TSPAN11: variants seen among roughly 807,000 people sequenced by gnomAD.
The protein encoded by TSPAN11 is tetraspanin-11.
TSPAN11 carries 29 observed loss-of-function variants against 32.9 expected under a neutral mutation model. The ratio of observed to expected loss-of-function variants is 0.88; its 90% CI spans 0.66 to 1.20. The LOEUF (loss-of-function observed/expected upper bound fraction) is 1.20. Among genes scored for constraint, TSPAN11 ranks in the 50% most tolerant of loss-of-function variants. The pLI is 0.00. For missense variants in TSPAN11, 283 were observed against 329.1 expected, an observed-to-expected ratio of 0.86 and a Z score of 1.08; for synonymous variants, 140 against 141.3, an observed-to-expected ratio of 0.99 and a Z score of 0.07.
downstream of TSPAN11, chr12:30,996,672 C>G (rs1258060245): frequency 3.9e-5 from 6 of 152,154 alleles, no homozygotes; most frequent in Non-Finnish European, 7.3e-5. Context: ...GTACCATGAC[C>G]CACGGCTACA....
intron 2 of TSPAN11, among the ~76,000 whole-genome samples, chr12:30,955,956 C>T (rs1236313769): frequency 6.6e-6 from 1 of 152,312 alleles, no homozygotes; most frequent in Non-Finnish European, 1.5e-5. Context: ...TTTTGGGGGA[C>T]CCAGTCCAAC....
In TSPAN11 at chr12:30,950,098, C is replaced by T. The variant is rs146758388; in HGVS notation, c.-11-3883C>T. The stretch of plus-strand genomic sequence containing the variant: ...GGCATCTGTCCCCTACTCTCCATTC[C>T]CCCCACCCCCTTCTCTTTCTTGGAC... On this transcript the variant is annotated intron_variant, in intron 1 of 7. Coordinates refer to ENST00000546076, the MANE Select transcript of TSPAN11 (RefSeq NM_001370302.1). Among the ~76,000 whole-genome samples the T allele has an allele frequency of 5.0e-3, 757 of 152,144 alleles. 2 individuals are homozygous for T. Among genetic ancestry groups the T allele is most frequent in the African/African-American group, 0.017 (723 of 41,508 alleles).
At chr12:30,949,596 C>T (rs1938340715) in intron 1 of TSPAN11, among the ~76,000 whole-genome samples, 1 of 152,144 alleles carries the variant, frequency 6.6e-6, no homozygotes, top group Non-Finnish European at 1.5e-5. Context: ...AATTACCTCC[C>T]CCTGGGTCCC....
At chr12:30,958,796 G>A (rs192308637) in intron 2 of TSPAN11, among the ~76,000 whole-genome samples, 2 of 152,178 alleles carry the variant, frequency 1.3e-5, no homozygotes, top group Non-Finnish European at 2.9e-5. Flanking sequence ...GGCAGTGGCA[G>A]TGTCAGGCAT....
intron 3 of TSPAN11, among the ~76,000 whole-genome samples, chr12:30,974,724 G>A (rs1452414546): frequency 6.6e-6 from 1 of 152,246 alleles, no homozygotes; most frequent in South Asian, 2.1e-4. Context: ...AGGGGACAGA[G>A]TGGTAACACC....
chr12:30,952,127 G>A (rs1365959480), intron 1 of TSPAN11, among the ~76,000 whole-genome samples: 1 of 152,142 alleles, frequency 6.6e-6, no homozygotes, highest in Non-Finnish European at 1.5e-5. Flanking sequence ...TGACTCTGTG[G>A]TTTGAGTGAG....
intron 3 of TSPAN11, among the ~76,000 whole-genome samples, chr12:30,971,558 G>C (rs1045327843): frequency 2.0e-5 from 3 of 152,012 alleles, no homozygotes; most frequent in Non-Finnish European, 4.4e-5. Flanking sequence ...TGAGCGATAT[G>C]GTGAGACCCT....
At chr12:31,011,574 C>T in the TSPAN11 span, among the ~76,000 whole-genome samples, 6 of 152,308 alleles carry the variant, frequency 3.9e-5, no homozygotes, top group East Asian at 1.9e-4. Context: ...TCGCCTCCTG[C>T]GGGGAACCAG....
rs531749462 is a variant in TSPAN11, at chr12:30,984,579, G to A, written c.702+1429G>A. On this transcript the variant is annotated intron_variant, in intron 7 of 7. Transcript: ENST00000546076. Reference sequence around the variant, plus strand: ...TTTTTTTTTTTTTTTTTTTTTTTGCGCGACAGTCTCACTCTGTTGCCCAGG... The same window carrying A: ...TTTTTTTTTTTTTTTTTTTTTTTGCACGACAGTCTCACTCTGTTGCCCAGG... Among the ~76,000 whole-genome samples, 8 of 88,834 alleles carry A rather than the reference G, an allele frequency of 9.0e-5. No homozygotes were observed. In the East Asian group the frequency reaches 1.6e-3, roughly 17 times the overall value. The allele number at this position is 88,834 out of a possible 152,430, so 58.3% of individuals were successfully genotyped here. A position where few individuals can be genotyped will look rare whatever the true frequency, so the allele number is the denominator to read the frequency against.
At chr12:31,009,603 G>T in the TSPAN11 span, among the ~76,000 whole-genome samples, 1 of 152,166 alleles carries the variant, frequency 6.6e-6, no homozygotes, top group Non-Finnish European at 1.5e-5. Context: ...ACCTTGGTGC[G>T]ATGATACATG....
chr12:30,942,246 G>A (rs538880894), intron 1 of TSPAN11, among the ~76,000 whole-genome samples: 2 of 152,214 alleles, frequency 1.3e-5, no homozygotes, highest in Non-Finnish European at 2.9e-5. Flanking sequence ...AGTGCATACT[G>A]TTCTTACAAA....
the TSPAN11 span, among the ~76,000 whole-genome samples, chr12:31,009,585 G>T: frequency 1.3e-5 from 2 of 152,122 alleles, no homozygotes; most frequent in Non-Finnish European, 2.9e-5. Context: ...CAACAGAAGT[G>T]CCACCCCACC....
chr12:30,963,345 T>C (rs1353390431), intron 2 of TSPAN11, among the ~76,000 whole-genome samples: 1 of 152,214 alleles, frequency 6.6e-6, no homozygotes, highest in Non-Finnish European at 1.5e-5. Context: ...AGCCCAGCTG[T>C]GCTTCCCCAA....
At chr12:30,954,520 ACTG>A (rs1490947654) in intron 2 of TSPAN11, 1 of 180,696 alleles carries the variant, frequency 5.5e-6, no homozygotes, top group East Asian at 1.7e-4. Context: ...GGCTCCAACT[ACTG>A]CTGCCTGTGA....
chr12:31,014,162 T>C, the TSPAN11 span, among the ~76,000 whole-genome samples: 1 of 152,246 alleles, frequency 6.6e-6, no homozygotes, highest in Non-Finnish European at 1.5e-5. Flanking sequence ...GCAGGAGCTA[T>C]CCTAGAATGG....
At chr12:30,944,045 G>A (rs1016986456) in intron 1 of TSPAN11, among the ~76,000 whole-genome samples, 1 of 152,142 alleles carries the variant, frequency 6.6e-6, no homozygotes, top group Non-Finnish European at 1.5e-5. Flanking sequence ...TAACTGCAGG[G>A]GTGGGGAGTG....
chr12:30,996,502 C>T lies in TSPAN11; in HGVS notation c.*4587C>T, dbSNP rs2140318942. ...CTAATGCGCATAGAGAAATTGTTCT[C>T]ATTGTAAACATACCCCTGTCCTTAG... is the stretch of plus-strand genomic sequence containing the variant. On this transcript the variant is annotated 3_prime_UTR_variant, in exon 8 of 8. Coordinates refer to ENST00000546076, the MANE Select transcript of TSPAN11 (RefSeq NM_001370302.1). 6.6e-6 allele frequency: 1 copy of T among 152,280 alleles called. No homozygotes were observed. Among genetic ancestry groups the T allele is most frequent in the Middle Eastern group, 3.4e-3 (1 of 292 alleles). 9.4% of individuals were successfully genotyped at this position (152,280 alleles called of 1,614,324 possible).
Position 30,991,919 on chromosome 12 carries a change from C to T in TSPAN11, c.*4C>T, listed in dbSNP as rs752614639. The T allele has an allele frequency of 6.2e-7, 1 of 1,614,140 alleles. No individual in the cohort carries two copies. On this transcript the variant is annotated 3_prime_UTR_variant, in exon 8 of 8. Coordinates refer to ENST00000546076, the MANE Select transcript of TSPAN11 (RefSeq NM_001370302.1). Reference sequence around the variant, plus strand: ...GCTCCAGCGGCATTTTTACTAATGGCCAACCACCTCCTCTTCCAACTGCCC... The same window carrying T: ...GCTCCAGCGGCATTTTTACTAATGGTCAACCACCTCCTCTTCCAACTGCCC...
intron 3 of TSPAN11, among the ~76,000 whole-genome samples, chr12:30,973,737 T>C (rs1190544511): frequency 1.3e-5 from 2 of 152,198 alleles, no homozygotes; most frequent in African/African-American, 4.8e-5. Context: ...TCTAACTACA[T>C]GGAAATATGG....
Sources: allele counts gnomAD v4.1 joint callset (sites outside exome capture counted in the v4.1 genomes callset), GRCh38; gene constraint gnomAD v4.1.1; transcripts MANE v1.5; gene names NCBI Gene and HGNC (gene_info 2026-07-23, HGNC 2026-07-21).